The following GRHL2 variants were observed in gnomAD, a reference collection of about 807,000 sequenced individuals.
GRHL2 encodes the protein grainyhead like transcription factor 2, also known as grainyhead-like protein 2 homolog.
In GRHL2, 21 loss-of-function variants were observed where a neutral mutation model predicts 83.8. The ratio of observed to expected loss-of-function variants is 0.25; its 90% CI spans 0.18 to 0.36. The LOEUF (loss-of-function observed/expected upper bound fraction) is 0.36, where lower values mean the gene tolerates loss of function less well. GRHL2 is among the 10% of genes least tolerant of loss of function. The pLI, the probability that GRHL2 is intolerant of heterozygous loss-of-function variation, is 1.00. For synonymous variants in GRHL2, 280 were observed against 278.9 expected (o/e 1.00, Z -0.04); for missense variants, 623 against 781.8 (o/e 0.80, Z 2.42).
intron 2 of GRHL2, among the ~76,000 whole-genome samples, chr8:101,548,314 CA>C (rs1811307440): frequency 6.6e-6 from 1 of 152,206 alleles, no homozygotes; most frequent in Non-Finnish European, 1.5e-5. Flanking sequence ...CAGTCCAGGA[CA>C]AACACATTGC....
In GRHL2 at chr8:101,623,754, G is replaced by A. The variant is rs567792406; in HGVS notation, c.1257+4057G>A. Among the ~76,000 whole-genome samples, 4 of 151,024 alleles carry A rather than the reference G, an allele frequency of 2.6e-5. No homozygotes were observed. The East Asian group carries it at 5.9e-4, about 22-fold the overall frequency. On this transcript the variant is annotated intron_variant, in intron 9 of 15. Transcript: ENST00000646743. ...TAAAACAGTTCACAGTACACAGTAT[G>A]ACAGTACACAGTAGAACAGTTCACA...
chr8:101,577,533 G>C lies in GRHL2; in HGVS notation c.1003+14G>C, dbSNP rs1473630654. On this transcript the variant is annotated intron_variant, in intron 7 of 15. Transcript: ENST00000646743. ...TCCTTGACATTGGTAAGTTGACCTT[G>C]ACTTCCCTGTATAGTCCTCGATAAA... 3 of 1,529,700 alleles carry C rather than the reference G, an allele frequency of 2.0e-6. 1 individual carries two copies. The highest frequency in any genetic ancestry group is 2.7e-6 in the Non-Finnish European group (3 of 1,103,698). 94.8% of individuals were successfully genotyped at this position (1,529,700 alleles called of 1,614,324 possible).
chr8:101,544,692 A>G (rs1205565708), intron 2 of GRHL2, among the ~76,000 whole-genome samples: 1 of 152,202 alleles, frequency 6.6e-6, no homozygotes, highest in Non-Finnish European at 1.5e-5. Context: ...CTTATTTTAG[A>G]ATAAGAACTG....
chr8:101,571,622 C>A (rs747220446), intron 5 of GRHL2, among the ~76,000 whole-genome samples: 1 of 152,074 alleles, frequency 6.6e-6, no homozygotes, highest in Non-Finnish European at 1.5e-5. Flanking sequence ...TCAGGGCCCT[C>A]TATGTTTTGG....
At chr8:101,617,733 A>G (rs551025701) in intron 8 of GRHL2, among the ~76,000 whole-genome samples, 1 of 152,156 alleles carries the variant, frequency 6.6e-6, no homozygotes, top group African/African-American at 2.4e-5. Flanking sequence ...TCAAACTCCT[A>G]AGCTCAGGTG....
chr8:101,639,199 C>T (rs546739807), intron 12 of GRHL2, among the ~76,000 whole-genome samples: 1 of 152,304 alleles, frequency 6.6e-6, no homozygotes, highest in South Asian at 2.1e-4. Context: ...TCTGTGTTGG[C>T]TCACCCTGTG....
intron 8 of GRHL2, among the ~76,000 whole-genome samples, chr8:101,610,423 G>A (rs1812724831): frequency 6.6e-6 from 1 of 150,694 alleles, no homozygotes; most frequent in Admixed American, 6.6e-5. Flanking sequence ...GGAATGCTAA[G>A]GAGGCCACCC....
chr8:101,647,565 T>G (rs895497575), intron 13 of GRHL2, among the ~76,000 whole-genome samples: 7 of 152,216 alleles, frequency 4.6e-5, no homozygotes, highest in Non-Finnish European at 7.3e-5. Flanking sequence ...TTGAGTCCTC[T>G]TATAATAGCC....
intron 1 of GRHL2, among the ~76,000 whole-genome samples, chr8:101,520,731 C>A (rs1810665188): frequency 6.6e-6 from 1 of 152,158 alleles, no homozygotes; most frequent in African/African-American, 2.4e-5. Context: ...ATAATCTGGC[C>A]TCTGCTTATC....
downstream of GRHL2, among the ~76,000 whole-genome samples, chr8:101,674,200 C>A (rs1814254092): frequency 6.6e-6 from 1 of 152,056 alleles, no homozygotes; most frequent in Non-Finnish European, 1.5e-5. Context: ...CAAGAAATAA[C>A]TGAAATCAGA....
At chr8:101,660,989 A>C (rs1444134624) in intron 14 of GRHL2, among the ~76,000 whole-genome samples, 2 of 152,250 alleles carry the variant, frequency 1.3e-5, no homozygotes, top group Admixed American at 6.5e-5. Context: ...AATATTTAGC[A>C]CATACATTTC....
intron 4 of GRHL2, among the ~76,000 whole-genome samples, chr8:101,563,050 G>C (rs559324161): frequency 6.6e-5 from 10 of 152,314 alleles, no homozygotes; most frequent in Admixed American, 6.5e-4. Context: ...TATGTGCTGG[G>C]CATCATTCTA....
intron 1 of GRHL2, among the ~76,000 whole-genome samples, chr8:101,506,931 C>T (rs1310781913): frequency 2.0e-5 from 3 of 151,442 alleles, no homozygotes; most frequent in Non-Finnish European, 4.4e-5. Context: ...GAAGCTCTTG[C>T]TTTTACCCTG....
intron 1 of GRHL2, among the ~76,000 whole-genome samples, chr8:101,514,145 A>C (rs1380377881): frequency 6.6e-6 from 1 of 152,100 alleles, no homozygotes; most frequent in Non-Finnish European, 1.5e-5. Context: ...ACACATACAC[A>C]TACATTTACA....
chr8:101,586,629 T>C (rs1041426587), intron 7 of GRHL2, among the ~76,000 whole-genome samples: 1 of 152,256 alleles, frequency 6.6e-6, no homozygotes, highest in Non-Finnish European at 1.5e-5. Flanking sequence ...GCTGAACTTT[T>C]TGAATGAAGA....
At chr8:101,647,092 A>G (rs1460085063) in intron 13 of GRHL2, among the ~76,000 whole-genome samples, 1 of 152,206 alleles carries the variant, frequency 6.6e-6, no homozygotes, top group Non-Finnish European at 1.5e-5. Flanking sequence ...ATAATAGAAA[A>G]TGGTTTGGGG....
intron 4 of GRHL2, among the ~76,000 whole-genome samples, chr8:101,568,495 T>C (rs576809063): frequency 6.6e-6 from 1 of 152,228 alleles, no homozygotes; most frequent in South Asian, 2.1e-4. Flanking sequence ...CCTTTCCTGG[T>C]AATGCCCAGT....
At chr8:101,598,447 C>T (rs1254735220) in intron 7 of GRHL2, among the ~76,000 whole-genome samples, 1 of 151,850 alleles carries the variant, frequency 6.6e-6, no homozygotes, top group African/African-American at 2.4e-5. Context: ...ACCATGTTAG[C>T]CAGGCTGGTC....
chr8:101,609,318 G>A (rs1812701026), intron 8 of GRHL2, among the ~76,000 whole-genome samples: 1 of 144,410 alleles, frequency 6.9e-6, no homozygotes, highest in African/African-American at 2.8e-5. Context: ...CATCAGTGCT[G>A]ACTTCGTAGA....
Sources: allele counts gnomAD v4.1 joint callset (sites outside exome capture counted in the v4.1 genomes callset), GRCh38; gene constraint gnomAD v4.1.1; transcripts MANE v1.5; gene names NCBI Gene and HGNC (gene_info 2026-07-23, HGNC 2026-07-21).